Variants in TCF20 observed in about 807,000 individuals in gnomAD.
TCF20 encodes the protein transcription factor 20, also known as SPRE-binding protein.
Under a neutral mutation model 148.6 loss-of-function variants are expected in TCF20, and 3 were observed. The observed-to-expected ratio is 0.02, with a 90% CI of 0.01 to 0.05. The LOEUF is 0.05. Among genes scored for constraint, TCF20 ranks in the 10% least tolerant of loss-of-function variants. The pLI is 1.00. For missense variants in TCF20, 2,350 were observed against 2,429.3 expected (o/e 0.97, Z 0.69); for synonymous variants, 1,049 against 909.5 (o/e 1.15, Z -2.76).
intron 1 of TCF20, among the ~76,000 whole-genome samples, chr22:42,333,911 G>A (rs1031120604): frequency 6.6e-6 from 1 of 152,246 alleles, no homozygotes; most frequent in Non-Finnish European, 1.5e-5. Flanking sequence ...AGGCACAAGC[G>A]CAGTGGGAAC....
chr22:42,192,476 G>A (rs1408576504), intron 2 of TCF20, among the ~76,000 whole-genome samples: 1 of 152,162 alleles, frequency 6.6e-6, no homozygotes, highest in African/African-American at 2.4e-5. Flanking sequence ...TTGAGGTATT[G>A]TCAGGCAAAG....
intron 1 of TCF20, among the ~76,000 whole-genome samples, chr22:42,233,449 C>G (rs1923609718): frequency 6.6e-6 from 1 of 152,186 alleles, no homozygotes; most frequent in Non-Finnish European, 1.5e-5. Context: ...CCTTCTGCAC[C>G]TTTTCGTTTG....
chr22:42,184,998 G>A (rs146138899), intron 2 of TCF20, among the ~76,000 whole-genome samples: 162 of 151,784 alleles, frequency 1.1e-3, no homozygotes, highest in African/African-American at 3.8e-3. Context: ...GTCAACTAGC[G>A]TTGTTTAATC....
At chr22:42,163,452 T>C (rs1246851838) in intron 5 of TCF20, among the ~76,000 whole-genome samples, 1 of 152,226 alleles carries the variant, frequency 6.6e-6, no homozygotes, top group Non-Finnish European at 1.5e-5. Flanking sequence ...AAAAAAGTTG[T>C]TCCTTCAGTA....
intron 1 of TCF20, among the ~76,000 whole-genome samples, chr22:42,303,723 G>A (rs879138452): frequency 3.9e-5 from 6 of 152,118 alleles, no homozygotes; most frequent in Non-Finnish European, 7.4e-5. Flanking sequence ...ATGGGTCTGC[G>A]GATGGCAGGG....
intron 1 of TCF20, among the ~76,000 whole-genome samples, chr22:42,247,226 G>A (rs1362260044): frequency 6.6e-6 from 1 of 151,764 alleles, no homozygotes; most frequent in Non-Finnish European, 1.5e-5. Flanking sequence ...GATCACCTGA[G>A]GTCAGGAGTT....
intron 2 of TCF20, among the ~76,000 whole-genome samples, chr22:42,208,368 T>G (rs529514274): frequency 1.3e-5 from 2 of 152,318 alleles, no homozygotes; most frequent in East Asian, 3.9e-4. Context: ...GGCACATGCC[T>G]ATAATCCTGG....
chr22:42,232,705 C>T (rs987310407), intron 1 of TCF20, among the ~76,000 whole-genome samples: 1 of 151,718 alleles, frequency 6.6e-6, no homozygotes, highest in South Asian at 2.1e-4. Context: ...GTGGCGGGCA[C>T]CTGTGGTCCC....
chr22:42,207,347 G>T (rs944140219), intron 2 of TCF20, among the ~76,000 whole-genome samples: 28 of 148,778 alleles, frequency 1.9e-4, no homozygotes, highest in African/African-American at 6.9e-4. Flanking sequence ...TTTTTCTCTG[G>T]AACAAAAAAA....
intron 1 of TCF20, among the ~76,000 whole-genome samples, chr22:42,246,544 C>T (rs1459340300): frequency 2.6e-5 from 4 of 152,192 alleles, no homozygotes; most frequent in East Asian, 1.9e-4. Context: ...TTTTCTCGTA[C>T]GTGTTTTTCT....
chr22:42,218,696 T>C (rs553026255), intron 1 of TCF20, among the ~76,000 whole-genome samples: 6 of 152,202 alleles, frequency 3.9e-5, no homozygotes, highest in Non-Finnish European at 8.8e-5. Flanking sequence ...ACTTGCTCCA[T>C]ATTCTTCCTA....
intron 1 of TCF20, among the ~76,000 whole-genome samples, chr22:42,304,605 CCAGGCAGG>C (rs994252477): frequency 6.6e-6 from 1 of 152,186 alleles, no homozygotes; most frequent in Non-Finnish European, 1.5e-5. Flanking sequence ...GTCTGTTGTG[CCAGGCAGG>C]CACTCTGATG....
intron 3 of TCF20, among the ~76,000 whole-genome samples, chr22:42,178,297 C>T (rs913305823): frequency 6.6e-6 from 1 of 152,154 alleles, no homozygotes; most frequent in South Asian, 2.1e-4. Context: ...CCCAAGGAAG[C>T]GGTCTTGGGA....
At chr22:42,315,825 AAGACAAGGCTGGGCGTGGTGGC>A (rs1927619547) in intron 1 of TCF20, among the ~76,000 whole-genome samples, 1 of 152,110 alleles carries the variant, frequency 6.6e-6, no homozygotes, top group Non-Finnish European at 1.5e-5. Context: ...TAAAGATATA[AAGACAAGGCTGGGCGTGGTGGC>A]TCACGCCTGT....
intron 1 of TCF20, among the ~76,000 whole-genome samples, chr22:42,245,446 G>C (rs1311395402): frequency 6.6e-6 from 1 of 152,132 alleles, no homozygotes; most frequent in Non-Finnish European, 1.5e-5. Flanking sequence ...AGAACAAGAT[G>C]CTATCTGGGA....
At position 42,213,197 on chromosome 22, in the gene TCF20, T is replaced by G; in HGVS notation, c.2109A>C (p.Gly703=). Residue 703 remains glycine, a synonymous_variant, in exon 2 of 6, where the codon GGA becomes GGC. Transcript: ENST00000677622. The part of the protein sequence containing the change: ...TSRTEPSKSP[G]SLRYSYKDSF... ...TATCTTTGTAACTATAGCGCAGACT[T>G]CCAGGAGATTTGCTAGGCTCAGTTC... 1 of 1,614,188 alleles carries G rather than the reference T, an allele frequency of 6.2e-7. No homozygotes were observed. The highest frequency in any genetic ancestry group is 1.3e-5 in the African/African-American group (1 of 75,046).
intron 3 of TCF20, among the ~76,000 whole-genome samples, chr22:42,172,411 A>G (rs561269220): frequency 6.6e-5 from 10 of 152,330 alleles, no homozygotes; most frequent in African/African-American, 2.2e-4. Context: ...GTGTTCTTCA[A>G]GGCCCAGGCA....
intron 1 of TCF20, among the ~76,000 whole-genome samples, chr22:42,280,745 C>T (rs1926884794): frequency 6.6e-6 from 1 of 152,192 alleles, no homozygotes. Context: ...GGTGCTAGAG[C>T]CTTTGCTCTC....
chr22:42,184,469 C>A (rs1402321288), intron 2 of TCF20, among the ~76,000 whole-genome samples: 1 of 152,124 alleles, frequency 6.6e-6, no homozygotes, highest in Non-Finnish European at 1.5e-5. Context: ...AAATCAATAC[C>A]CAGGCCAGTA....
Sources: gnomAD v4.1 joint callset for allele counts (sites outside exome capture counted in the v4.1 genomes callset) on GRCh38, gnomAD v4.1.1 for gene constraint, MANE v1.5 for transcripts, NCBI Gene and HGNC (gene_info 2026-07-23, HGNC 2026-07-21) for gene names.